The following ADCY2 variants were observed in gnomAD, a reference collection of about 807,000 sequenced individuals.
The protein encoded by ADCY2 is adenylate cyclase type 2.
ADCY2 carries 31 observed loss-of-function variants against 125.2 expected under a neutral mutation model. That is an observed-to-expected ratio of 0.25 (90% CI 0.19 to 0.33). The LOEUF (loss-of-function observed/expected upper bound fraction) is 0.33, where lower values mean the gene tolerates loss of function less well. Ranked by LOEUF, ADCY2 falls within the 10% of genes least tolerant of loss-of-function variation. The pLI is 1.00. For missense variants in ADCY2, 904 were observed against 1,418.2 expected (o/e 0.64, Z 5.82); for synonymous variants, 512 against 548.4 (o/e 0.93, Z 0.93).
intron 13 of ADCY2, among the ~76,000 whole-genome samples, chr5:7,726,447 C>G (rs981652317): frequency 6.6e-6 from 1 of 152,194 alleles, no homozygotes; most frequent in Non-Finnish European, 1.5e-5. Context: ...CAGGGGTCAT[C>G]ATCAGCATCA....
At chr5:7,658,222 C>T (rs184676728) in intron 4 of ADCY2, 3 of 152,406 alleles carry the variant, frequency 2.0e-5, no homozygotes, top group Non-Finnish European at 4.4e-5. Flanking sequence ...CCTACCTTTC[C>T]TCAACTGAAG....
chr5:7,768,849 C>T (rs1349142065), intron 17 of ADCY2, among the ~76,000 whole-genome samples: 1 of 152,144 alleles, frequency 6.6e-6, no homozygotes, highest in Non-Finnish European at 1.5e-5. Context: ...GCCAAGGAAG[C>T]CCCAGGTCTA....
At chr5:7,523,847 G>A (rs952122255) in intron 3 of ADCY2, among the ~76,000 whole-genome samples, 2 of 152,154 alleles carry the variant, frequency 1.3e-5, no homozygotes, top group Non-Finnish European at 2.9e-5. Flanking sequence ...GAGGTTGCCC[G>A]CAAACTATAG....
chr5:7,533,105 A>G (rs1470306897), intron 3 of ADCY2, among the ~76,000 whole-genome samples: 1 of 150,224 alleles, frequency 6.7e-6, no homozygotes, highest in East Asian at 1.9e-4. Flanking sequence ...ACATGTATAT[A>G]TACACATATA....
chr5:7,750,882 G>A (rs548027179), intron 15 of ADCY2, among the ~76,000 whole-genome samples: 15 of 151,806 alleles, frequency 9.9e-5, no homozygotes, highest in South Asian at 6.3e-4. Context: ...CTCATAATCC[G>A]CTCTAGGTCT....
At chr5:7,577,288 C>T (rs1736280129) in intron 3 of ADCY2, among the ~76,000 whole-genome samples, 1 of 151,878 alleles carries the variant, frequency 6.6e-6, no homozygotes, top group South Asian at 2.1e-4. Flanking sequence ...GATATATTAC[C>T]AAAAAAAGTA....
At chr5:7,590,857 T>A (rs1396079980) in intron 3 of ADCY2, among the ~76,000 whole-genome samples, 1 of 152,186 alleles carries the variant, frequency 6.6e-6, no homozygotes, top group Non-Finnish European at 1.5e-5. Flanking sequence ...ATCTTAACCA[T>A]TAATATAGTC....
chr5:7,483,425 A>T (rs909409180), intron 2 of ADCY2, among the ~76,000 whole-genome samples: 1 of 152,124 alleles, frequency 6.6e-6, no homozygotes, highest in Non-Finnish European at 1.5e-5. Context: ...ATAAAAAAAA[A>T]AAAGCATTTC....
intron 18 of ADCY2, among the ~76,000 whole-genome samples, 185 bp downstream of exon 18, chr5:7,773,286 T>C (rs562139509): frequency 7.1e-4 from 108 of 152,262 alleles, no homozygotes; most frequent in Non-Finnish European, 1.3e-3. Flanking sequence ...CATCTGATTA[T>C]GTATTCCCAA....
chr5:7,696,907 T>C (rs929889363), intron 6 of ADCY2, among the ~76,000 whole-genome samples: 1 of 152,176 alleles, frequency 6.6e-6, no homozygotes. Flanking sequence ...GTGAGTTTTG[T>C]GGGTGTTCAT....
rs564497327 is a variant in ADCY2, at chr5:7,587,932, A to G, written c.571-38235A>G. ...ATGACCAGGACAGGCCAACAGTCTT[A>G]TTAAAATTATTGTGTCAATACTAGC... On this transcript the variant is annotated intron_variant, in intron 3 of 24. Transcript: ENST00000338316. Among the ~76,000 whole-genome samples the G allele has an allele frequency of 3.3e-5, 5 of 152,320 alleles. No individual in the cohort carries two copies. The South Asian group carries it at 8.3e-4, about 25-fold the overall frequency.
intron 20 of ADCY2, chr5:7,794,783 C>T (rs540095654): frequency 6.6e-6 from 1 of 152,270 alleles, no homozygotes; most frequent in East Asian, 1.9e-4. Context: ...GTAATATTAA[C>T]CTTGCAATCC....
chr5:7,615,579 A>G (rs747384599), intron 3 of ADCY2, among the ~76,000 whole-genome samples: 1 of 152,148 alleles, frequency 6.6e-6, no homozygotes, highest in Non-Finnish European at 1.5e-5. Context: ...TATTTTATTT[A>G]ATTAATTTGT....
At chr5:7,657,722 CAT>C (rs760907774) in intron 4 of ADCY2, among the ~76,000 whole-genome samples, 3 of 152,364 alleles carry the variant, frequency 2.0e-5, no homozygotes, top group East Asian at 1.9e-4. Flanking sequence ...GGACCAAAAA[CAT>C]GTGCCTCCCC....
At chr5:7,755,688 G>A (rs1054827711) in intron 15 of ADCY2, among the ~76,000 whole-genome samples, 4 of 152,240 alleles carry the variant, frequency 2.6e-5, no homozygotes, top group East Asian at 3.9e-4. Context: ...ATTAATTTGC[G>A]CAAGTTTCCC....
intron 19 of ADCY2, among the ~76,000 whole-genome samples, chr5:7,787,812 C>T (rs1744127225): frequency 6.6e-6 from 1 of 152,142 alleles, no homozygotes; most frequent in African/African-American, 2.4e-5. Context: ...AAACTGCTTA[C>T]CTGTTATGCA....
In ADCY2 at chr5:7,453,972, C is replaced by T. The variant is rs1579459087; in HGVS notation, c.408+39202C>T. ...GAGATCTTATTAAGAAGATGCTGAT[C>T]ACCAGTTTCAGGTTTTTTCTATCTA... On this transcript the variant is annotated intron_variant, in intron 2 of 24. Coordinates refer to ENST00000338316, the MANE Select transcript of ADCY2 (RefSeq NM_020546.3). Among the ~76,000 whole-genome samples the T allele has an allele frequency of 4.6e-5, 7 of 152,328 alleles. No homozygotes were observed. The South Asian group carries it at 1.5e-3, about 32-fold the overall frequency.
intron 2 of ADCY2, among the ~76,000 whole-genome samples, chr5:7,512,417 A>G (rs1220640139): frequency 6.6e-6 from 1 of 152,040 alleles, no homozygotes; most frequent in Non-Finnish European, 1.5e-5. Context: ...ATGATGTTGT[A>G]GCCACAGGCA....
Position 7,802,283 on chromosome 5 carries a change from A to G in ADCY2, c.2694A>G (p.Glu898=). 1 of 1,614,158 alleles carries G rather than the reference A, an allele frequency of 6.2e-7. No homozygotes were observed. Among genetic ancestry groups the G allele is most frequent in the East Asian group, 2.2e-5 (1 of 44,890 alleles). Residue 898 remains glutamate, a synonymous_variant, in exon 21 of 25, where the codon GAA becomes GAG. Coordinates refer to ENST00000338316, the MANE Select transcript of ADCY2 (RefSeq NM_020546.3). This position sits in a 1 kb window ranked among gnomAD's most constrained non-coding sequence, Gnocchi z 4.6. ...VMFASIPDFK[E]FYTESDVNKE... is the part of the protein sequence containing the mutation. ...TTGCCTCCATTCCGGATTTCAAAGA[A>G]TTTTATACAGAATCCGACGTGAACA...
Sources: allele counts gnomAD v4.1 joint callset (sites outside exome capture counted in the v4.1 genomes callset), GRCh38; gene constraint gnomAD v4.1.1; non-coding constraint Gnocchi (gnomAD v3.1); transcripts MANE v1.5; gene names NCBI Gene and HGNC (gene_info 2026-07-23, HGNC 2026-07-21).